Variants in RELCH observed in about 807,000 individuals in gnomAD.
RELCH encodes the protein RAB11-binding protein RELCH.
Under a neutral mutation model 150.3 loss-of-function variants are expected in RELCH, and 41 were observed. That is an observed-to-expected ratio of 0.27 (90% CI 0.21 to 0.35). The LOEUF (loss-of-function observed/expected upper bound fraction) is 0.35, where lower values mean the gene tolerates loss of function less well. Among genes scored for constraint, RELCH ranks in the 10% least tolerant of loss-of-function variants. RELCH has a pLI of 1.00. For missense variants in RELCH, 1,092 were observed against 1,467.8 expected, an observed-to-expected ratio of 0.74 and a Z score of 4.18; for synonymous variants, 478 against 531.8, an observed-to-expected ratio of 0.90 and a Z score of 1.39.
intron 11 of RELCH, among the ~76,000 whole-genome samples, chr18:62,245,249 C>T (rs77787924): frequency 0.089 from 13,482 of 152,218 alleles, 683 homozygotes; most frequent in Middle Eastern, 0.17. Flanking sequence ...CCTACTAAGA[C>T]CTGATTACTT....
intron 2 of RELCH, 155 bp from the exon 3 acceptor site, chr18:62,220,882 C>A: frequency 1.5e-6 from 1 of 679,844 alleles, no homozygotes; most frequent in South Asian, 1.7e-5. Context: ...AACTCTGCTG[C>A]ATGCGTTCAC....
chr18:62,221,945 ATC>A (rs1435954414), intron 5 of RELCH, among the ~76,000 whole-genome samples: 1 of 151,932 alleles, frequency 6.6e-6, no homozygotes, highest in Non-Finnish European at 1.5e-5. Context: ...AATCAGCTGT[ATC>A]TCTCTGAATA....
At chr18:62,193,835 T>G (rs981246905) in intron 1 of RELCH, among the ~76,000 whole-genome samples, 4 of 152,124 alleles carry the variant, frequency 2.6e-5, no homozygotes, top group African/African-American at 9.7e-5. Context: ...TAAATTAAGG[T>G]TTTTTACATG....
intron 12 of RELCH, among the ~76,000 whole-genome samples, chr18:62,254,381 A>C (rs1293454165): frequency 6.6e-6 from 1 of 151,828 alleles, no homozygotes; most frequent in Non-Finnish European, 1.5e-5. Context: ...CTTTTTTCTT[A>C]ATTTTATTTT....
chr18:62,284,083 A>G (rs1176822048), intron 25 of RELCH, among the ~76,000 whole-genome samples: 1 of 152,176 alleles, frequency 6.6e-6, no homozygotes, highest in African/African-American at 2.4e-5. Context: ...TTCTTATAGG[A>G]TCTGCTCCAA....
intron 22 of RELCH, among the ~76,000 whole-genome samples, chr18:62,278,856 A>G (rs947777528): frequency 2.0e-5 from 3 of 152,076 alleles, no homozygotes; most frequent in Non-Finnish European, 4.4e-5. Flanking sequence ...TTTATTTTAC[A>G]TTTTATTTGA....
At chr18:62,270,835 C>T (rs538411518) in intron 20 of RELCH, among the ~76,000 whole-genome samples, 16 of 152,054 alleles carry the variant, frequency 1.1e-4, no homozygotes, top group African/African-American at 2.4e-4. Flanking sequence ...TGATGTTCCC[C>T]GCCTTGTGTC....
At chr18:62,271,501 G>A (rs1438998626) in intron 20 of RELCH, among the ~76,000 whole-genome samples, 3 of 151,250 alleles carry the variant, frequency 2.0e-5, no homozygotes, top group Non-Finnish European at 2.9e-5. Flanking sequence ...TTTGTCAGAT[G>A]AGTAGATTGC....
Position 62,240,605 on chromosome 18 carries a change from C to T in RELCH, c.1621-4159C>T, listed in dbSNP as rs143735998. 2.1e-4 allele frequency among the ~76,000 whole-genome samples: 32 copies of T among 151,860 alleles called. 1 individual carries two copies. Among genetic ancestry groups the T allele is most frequent in the South Asian group, 6.2e-4 (3 of 4,816 alleles). ...TGTATTTTTGGTAGAGATAGGGTTT[C>T]GCCATCTTGCCCAGGCTGGTTTCGA... On this transcript the variant is annotated intron_variant, in intron 10 of 28. Coordinates refer to ENST00000644646, the MANE Select transcript of RELCH (RefSeq NM_001346231.2).
chr18:62,190,610 A>G (rs1568286255), intron 1 of RELCH, among the ~76,000 whole-genome samples: 1 of 152,154 alleles, frequency 6.6e-6, no homozygotes, highest in Non-Finnish European at 1.5e-5. Context: ...TAAATAAAAT[A>G]AAATACAGAA....
At chr18:62,304,086 G>A (rs903554320) in intron 28 of RELCH, among the ~76,000 whole-genome samples, 1 of 152,180 alleles carries the variant, frequency 6.6e-6, no homozygotes. Flanking sequence ...GCAAAAAGAG[G>A]GGGGAGTTAA....
chr18:62,257,416 G>A (rs996817275), intron 13 of RELCH, among the ~76,000 whole-genome samples: 4 of 152,118 alleles, frequency 2.6e-5, no homozygotes, highest in African/African-American at 9.6e-5. Context: ...AAATAGGAAT[G>A]CCAGGATTTT....
chr18:62,189,716 C>T (rs954104299), intron 1 of RELCH, among the ~76,000 whole-genome samples: 4 of 152,238 alleles, frequency 2.6e-5, no homozygotes, highest in African/African-American at 9.6e-5. Context: ...GTGAAAATTC[C>T]TCCTTGCAAA....
intron 10 of RELCH, chr18:62,235,186 G>T (rs1047139970): frequency 3.3e-5 from 5 of 151,848 alleles, no homozygotes; most frequent in African/African-American, 9.7e-5. Context: ...TTTTCATATG[G>T]CTATCCAGTT....
intron 25 of RELCH, chr18:62,284,494 A>G (rs1439218381): frequency 2.6e-5 from 4 of 152,228 alleles, no homozygotes; most frequent in African/African-American, 4.8e-5. Context: ...TTTTTTTAAG[A>G]TAAAAATTAG....
chr18:62,247,569 G>A lies in RELCH; in HGVS notation c.1733+2693G>A, dbSNP rs111874325. Among the ~76,000 whole-genome samples, 1,353 of 150,676 alleles carry A rather than the reference G, an allele frequency of 9.0e-3. 18 individuals carry two copies. The highest frequency in any genetic ancestry group is 0.051 in the East Asian group (265 of 5,150). On this transcript the variant is annotated intron_variant, in intron 11 of 28. Transcript: ENST00000644646. ...TTTTTTTTTTTTTTTCCTGAGACAG[G>A]GTCTCACTCTGTCTCCCAGGCTGGA...
rs2041632801 is a variant in RELCH, at chr18:62,232,305, T to C, written c.1525-27T>C. On this transcript the variant is annotated intron_variant, in intron 9 of 28. Coordinates refer to ENST00000644646, the MANE Select transcript of RELCH (RefSeq NM_001346231.2). ...TATGCACAGAAGTTCTCCACTATCA[T>C]TGTTTATTAATTCTTTGGTTTTCTA... 5 of 1,440,210 alleles carry C rather than the reference T, an allele frequency of 3.5e-6. No homozygotes were observed. The East Asian group carries it at 1.1e-4, about 33-fold the overall frequency. The allele number at this position is 1,440,210 out of a possible 1,614,324, so 89.2% of individuals were successfully genotyped here.
intron 11 of RELCH, 44 bp from the exon 12 acceptor site, chr18:62,252,620 G>T (rs767490232): frequency 2.1e-6 from 3 of 1,448,824 alleles, no homozygotes; most frequent in Middle Eastern, 1.7e-4. Flanking sequence ...TCCTAGTTGT[G>T]CTTTCTCATG....
In RELCH at chr18:62,308,028, C is replaced by T. The variant is rs2045925298; in HGVS notation, c.*2494C>T. On this transcript the variant is annotated 3_prime_UTR_variant, in exon 29 of 29. Coordinates refer to ENST00000644646, the MANE Select transcript of RELCH (RefSeq NM_001346231.2). ...TGAGTAATTTAAGTCATGCCATCCTCATTATCCATAGCTTTTAGGATATGT... is the reference window on the plus strand; with the variant it reads ...TGAGTAATTTAAGTCATGCCATCCTTATTATCCATAGCTTTTAGGATATGT... The T allele has an allele frequency of 6.6e-6, 1 of 152,172 alleles. No individual in the cohort carries two copies. The highest frequency in any genetic ancestry group is 1.5e-5 in the Non-Finnish European group (1 of 68,024). The allele number at this position is 152,172 out of a possible 1,614,324, so 9.4% of individuals were successfully genotyped here.
Sources: allele counts gnomAD v4.1 joint callset (sites outside exome capture counted in the v4.1 genomes callset), GRCh38; gene constraint gnomAD v4.1.1; transcripts MANE v1.5; gene names NCBI Gene and HGNC (gene_info 2026-07-23, HGNC 2026-07-21).